The following DNAH17 variants were observed in gnomAD, a reference collection of about 807,000 sequenced individuals.
DNAH17 encodes axonemal beta dynein heavy chain 17.
In DNAH17, 376 loss-of-function variants were observed where a neutral mutation model predicts 485.6. The observed-to-expected ratio is 0.77, with a 90% confidence interval of 0.71 to 0.84. The LOEUF is 0.84. Among genes scored for constraint, DNAH17 ranks in the 40% least tolerant of loss-of-function variants. The pLI, the probability that DNAH17 is intolerant of heterozygous loss-of-function variation, is 0.00. For synonymous variants in DNAH17, 3,031 were observed against 2,405.9 expected (o/e 1.26, Z -7.60); for missense variants, 6,370 against 5,839.3 (o/e 1.09, Z -2.96).
At chr17:78,492,581 T>A in intron 42 of DNAH17, 52 bp downstream of exon 42, 1 of 1,601,474 alleles carries the variant, frequency 6.2e-7, no homozygotes, top group Admixed American at 1.7e-5. Flanking sequence ...ACACGCTCAC[T>A]GCACTGGACC....
Position 78,499,014 on chromosome 17 carries a change from G to C in DNAH17, c.5739C>G (p.Ala1913=). The part of the protein sequence containing the change: ...RISVEVLSVI[A]VQVKCVQDAI... Reference sequence around the variant, plus strand: ...CGCAGGCAGGGGACTTTACCTGCACGGCAATCACAGACAAGACTTCCACTG... The same window carrying C: ...CGCAGGCAGGGGACTTTACCTGCACCGCAATCACAGACAAGACTTCCACTG... Residue 1913 remains alanine (A), a synonymous_variant, in exon 37 of 81, where the codon GCC becomes GCG. Coordinates refer to ENST00000389840, the MANE Select transcript of DNAH17 (RefSeq NM_173628.4). 6.2e-7 allele frequency: 1 copy of C among 1,607,906 alleles called. No homozygotes were observed. The highest frequency in any genetic ancestry group is 1.3e-5 in the African/African-American group (1 of 74,818).
intron 55 of DNAH17, 91 bp from the exon 56 acceptor site, chr17:78,466,907 ACG>A: frequency 2.2e-6 from 3 of 1,379,256 alleles, no homozygotes; most frequent in South Asian, 3.1e-5. Flanking sequence ...CCAGAAAGCA[ACG>A]CGCCCTGCCG....
rs548332766 is a variant in DNAH17, at chr17:78,479,569, T to C, written c.7816A>G (p.Thr2606Ala). The change falls in exon 50 of 81, where the codon ACA becomes GCA. Residue 2606 changes from threonine (T) to alanine (A), a missense_variant. Thr to Ala is a moderately conservative substitution (Grantham distance 58, BLOSUM62 0). Transcript: ENST00000389840. ...AAGGCCAGGTGCTGCGTCAGGATTG[T>C]GTTGTAGATGGTGGTGAGGGCCTCC... ...GQEALTTIYN[T>A]ILTQHLAFRS... 5.0e-6 allele frequency: 8 copies of C among 1,613,626 alleles called. No individual in the cohort carries two copies. The African/African-American group carries it at 8.0e-5, about 16-fold the overall frequency.
rs548577353 is a variant in DNAH17 at position 78,476,050 on chromosome 17, A to G, written c.8155-217T>C. Among the ~76,000 whole-genome samples the G allele has an allele frequency of 5.9e-5, 9 of 152,278 alleles. No homozygotes were observed. The East Asian group carries it at 1.5e-3, about 26-fold the overall frequency. ...GGGTCTGATCCCCACTGTATCAGAA[A>G]TGAATTCATAGTCCAAAGAAATGAT... On this transcript the variant is annotated intron_variant, in intron 52 of 80. Transcript: ENST00000389840.
At chr17:78,463,909 T>C (rs2088279457) in intron 56 of DNAH17, among the ~76,000 whole-genome samples, 1 of 152,248 alleles carries the variant, frequency 6.6e-6, no homozygotes, top group Admixed American at 6.5e-5. Flanking sequence ...AATGCCTGTT[T>C]CTAGGAAGTC....
intron 73 of DNAH17, among the ~76,000 whole-genome samples, chr17:78,438,743 C>T (rs1034069093): frequency 3.9e-5 from 6 of 152,056 alleles, no homozygotes; most frequent in Non-Finnish European, 8.8e-5. Flanking sequence ...AGGTGATCCG[C>T]CTGCCTTGGC....
intron 31 of DNAH17, 141 bp downstream of exon 31, chr17:78,505,152 G>A: frequency 9.2e-7 from 1 of 1,087,776 alleles, no homozygotes; most frequent in Non-Finnish European, 1.3e-6. Context: ...GTTTTCTAGA[G>A]AGGGAGAGGA....
Position 78,484,739 on chromosome 17 carries a change from A to ACCCCCCTGCCCCCCCCCCCCCCCCCC in DNAH17, c.7649+128_7649+129insGGGGGGGGGGGGGGGGGGCAGGGGGG. On this transcript the variant is annotated intron_variant, in intron 48 of 80. Transcript: ENST00000389840. Reference sequence around the variant, plus strand: ...CGTGTCTCCCTACCCACGTTGCAGCACCCCCCCCACCGCCCCACACCAGTC... The same window carrying ACCCCCCTGCCCCCCCCCCCCCCCCCC: ...CGTGTCTCCCTACCCACGTTGCAGCACCCCCCTGCCCCCCCCCCCCCCCCCCCCCCCCCCACCGCCCCACACCAGTC... 1.2e-5 allele frequency: 4 copies of ACCCCCCTGCCCCCCCCCCCCCCCCCC among 347,796 alleles called. No homozygotes were observed. The South Asian group carries it at 1.3e-4, about 11-fold the overall frequency. 21.5% of individuals were successfully genotyped at this position (347,796 alleles called of 1,614,324 possible).
At chr17:78,461,838 G>C in intron 57 of DNAH17, 130 bp from the exon 58 acceptor site, 1 of 794,436 alleles carries the variant, frequency 1.3e-6, no homozygotes, top group Non-Finnish European at 1.9e-6. Context: ...GACTCCCAGT[G>C]ACTCGTTTTG....
chr17:78,534,796 C>T (rs951237988), intron 19 of DNAH17, among the ~76,000 whole-genome samples: 2 of 152,144 alleles, frequency 1.3e-5, no homozygotes, highest in African/African-American at 4.8e-5. Context: ...GTGGGCAGCT[C>T]AGCTCTCTAA....
intron 17 of DNAH17, among the ~76,000 whole-genome samples, chr17:78,543,203 C>G (rs1309573580): frequency 1.3e-5 from 2 of 152,236 alleles, no homozygotes; most frequent in Admixed American, 1.3e-4. Flanking sequence ...CCACCTCCGC[C>G]TCCCAGGGTC....
At chr17:78,469,983 G>A (rs2088669710) in intron 54 of DNAH17, among the ~76,000 whole-genome samples, 1 of 151,828 alleles carries the variant, frequency 6.6e-6, no homozygotes, top group Non-Finnish European at 1.5e-5. Context: ...GGGTCCTGGA[G>A]AGGGACAGTG....
At position 78,424,060 on chromosome 17, in the gene DNAH17, G is replaced by A. The variant is rs761156949; in HGVS notation, c.13235C>T (p.Pro4412Leu). 1.9e-6 allele frequency: 3 copies of A among 1,613,950 alleles called. No homozygotes were observed. The highest frequency in any genetic ancestry group is 2.7e-5 in the African/African-American group (2 of 74,948). Residue 4412 changes from proline to leucine, a missense_variant, in exon 81 of 81, where the codon CCT (proline) becomes CTT (leucine). Transcript: ENST00000389840. ...GTTCTTGGTCTCCATGCGGTCCACAGGAATGGCCTTGATGAAGATGACAGG... is the reference window on the plus strand; with the variant it reads ...GTTCTTGGTCTCCATGCGGTCCACAAGAATGGCCTTGATGAAGATGACAGG... ...AMPVIFIKAI[P>L]VDRMETKNIY...
rs375429414 is a variant in DNAH17, at chr17:78,461,683, G to A, written c.9200C>T (p.Ala3067Val). The A allele has an allele frequency of 2.9e-5, 47 of 1,608,676 alleles. No individual in the cohort carries two copies. The highest frequency in any genetic ancestry group is 1.5e-4 in the Admixed American group (9 of 58,886). ...CTGCTTGAGCTCAGCCTCCTGAATC[G>A]CCAACTTGGCTTTCAAATCATCCAC... The part of the protein sequence containing the change: ...SQVDDLKAKL[A>V]IQEAELKQKN... Residue 3067 changes from alanine (A) to valine (V), a missense_variant, in exon 58 of 81, where the codon GCG becomes GTG. Physicochemically the swap from Ala to Val is moderately conservative, Grantham distance 64 (BLOSUM62 0). Transcript: ENST00000389840.
Position 78,460,169 on chromosome 17 carries a change from A to G in DNAH17, c.9428T>C (p.Leu3143Pro). 1.2e-6 allele frequency: 2 copies of G among 1,605,786 alleles called. No individual in the cohort carries two copies. Among genetic ancestry groups the G allele is most frequent in the Non-Finnish European group, 1.7e-6 (2 of 1,175,652 alleles). The change falls in exon 59 of 81, where the codon CTG becomes CCG. Residue 3143 changes from leucine to proline, a missense_variant. Physicochemically the swap from Leu to Pro is moderately conservative, Grantham distance 98. Coordinates refer to ENST00000389840, the MANE Select transcript of DNAH17 (RefSeq NM_173628.4). ...LLAAQEALDTLNKNNLTELKS... is the reference protein window; with the variant it reads ...LLAAQEALDTPNKNNLTELKS... Reference sequence around the variant, plus strand: ...CTTTCCCTCCCCCTTTACCTTATTCAGAGTGTCCAGAGCCTCCTGGGCTGC... The same window carrying G: ...CTTTCCCTCCCCCTTTACCTTATTCGGAGTGTCCAGAGCCTCCTGGGCTGC...
chr17:78,524,953 G>A, intron 25 of DNAH17, 56 bp downstream of exon 25: 3 of 1,554,576 alleles, frequency 1.9e-6, no homozygotes, highest in East Asian at 4.6e-5. Flanking sequence ...CTTGTTGCCG[G>A]GGGCAGCTCC....
intron 75 of DNAH17, among the ~76,000 whole-genome samples, chr17:78,432,691 G>C (rs760375419): frequency 1.4e-4 from 22 of 152,214 alleles, no homozygotes; most frequent in African/African-American, 4.6e-4. Context: ...CACGTGTGCC[G>C]TGCATGCCTG....
At chr17:78,462,590 G>A (rs76941771) in intron 57 of DNAH17, among the ~76,000 whole-genome samples, 3,492 of 152,320 alleles carry the variant, frequency 0.023, 141 homozygotes, top group African/African-American at 0.079. Context: ...CATGGGGCAG[G>A]TGCCATCCCC....
chr17:78,427,382 T>C (rs72914895), intron 77 of DNAH17, among the ~76,000 whole-genome samples: 20,570 of 152,214 alleles, frequency 0.14, 1,555 homozygotes, highest in Middle Eastern at 0.19. Flanking sequence ...GGTGCCTCAT[T>C]TGTTCATTCC....
Sources: allele counts gnomAD v4.1 joint callset (sites outside exome capture counted in the v4.1 genomes callset), GRCh38; gene constraint gnomAD v4.1.1; transcripts MANE v1.5; gene names NCBI Gene and HGNC (gene_info 2026-07-23, HGNC 2026-07-21).